Variants in ARID1B observed in about 807,000 individuals in gnomAD.
ARID1B encodes the protein AT-rich interaction domain 1B.
In ARID1B, 30 loss-of-function variants were observed where a neutral mutation model predicts 212.3. That is an observed-to-expected ratio of 0.14 (90% CI 0.11 to 0.19). ARID1B has a LOEUF of 0.19. Ranked by LOEUF, ARID1B falls within the 10% of genes least tolerant of loss-of-function variation. ARID1B has a pLI of 1.00. For missense variants in ARID1B, 2,891 were observed against 3,204.0 expected (o/e 0.90, Z 2.36); for synonymous variants, 1,402 against 1,301.7 (o/e 1.08, Z -1.66).
At chr6:157,084,991 A>C in intron 5 of ARID1B, 86 bp downstream of exon 5, 10 of 1,482,616 alleles carry the variant, frequency 6.7e-6, no homozygotes, top group Non-Finnish European at 9.0e-6. Context: ...TTACTTTACT[A>C]TTTAAAACCT....
chr6:156,889,315 A>G (rs1461130483), intron 2 of ARID1B, among the ~76,000 whole-genome samples: 3 of 152,242 alleles, frequency 2.0e-5, no homozygotes, highest in Non-Finnish European at 4.4e-5. Flanking sequence ...AACACACTGT[A>G]GACTTTATAG....
intron 2 of ARID1B, among the ~76,000 whole-genome samples, chr6:156,875,159 G>C (rs1271054396): frequency 6.6e-6 from 1 of 152,132 alleles, no homozygotes; most frequent in Non-Finnish European, 1.5e-5. Flanking sequence ...TTTATTCATT[G>C]TTCCCGCATT....
chr6:157,017,983 T>A (rs1215054082), intron 4 of ARID1B, among the ~76,000 whole-genome samples: 4 of 93,530 alleles, frequency 4.3e-5, no homozygotes, highest in Admixed American at 2.1e-4. Context: ...AAAAAAAAAA[T>A]TAGCTGGGCA....
chr6:156,804,439 C>T (rs1017984293), intron 1 of ARID1B, among the ~76,000 whole-genome samples: 10 of 151,884 alleles, frequency 6.6e-5, no homozygotes, highest in African/African-American at 2.4e-4. Flanking sequence ...TTTGTTCTTA[C>T]ACTGCTATCA....
chr6:156,927,203 TTTG>T (rs796929567), intron 3 of ARID1B, among the ~76,000 whole-genome samples: 8 of 152,310 alleles, frequency 5.3e-5, no homozygotes, highest in South Asian at 2.1e-4. Flanking sequence ...GTGTTAACAA[TTTG>T]TTGTTATCTT....
chr6:156,808,197 C>T lies in ARID1B; in HGVS notation c.1792-21030C>T, dbSNP rs1299867575. On this transcript the variant is annotated intron_variant, in intron 1 of 19. Coordinates refer to ENST00000636930, the MANE Select transcript of ARID1B (RefSeq NM_001374828.1). ...AGAGCGTTTCCTATTTGGAAGACAT[C>T]AGCTGGATTTTATTTTATTTTTCCC... Among the ~76,000 whole-genome samples the T allele has an allele frequency of 2.6e-5, 4 of 152,162 alleles. No homozygotes were observed. In the East Asian group the frequency reaches 7.7e-4, roughly 29 times the overall value.
intron 3 of ARID1B, among the ~76,000 whole-genome samples, chr6:156,912,863 C>T (rs1040850058): frequency 1.3e-5 from 2 of 152,154 alleles, no homozygotes; most frequent in Admixed American, 6.5e-5. Context: ...ATCATTTCTC[C>T]CACCCCAAAC....
chr6:157,171,134 T>C (rs571446773), intron 9 of ARID1B, among the ~76,000 whole-genome samples: 2 of 152,354 alleles, frequency 1.3e-5, no homozygotes, highest in Non-Finnish European at 2.9e-5. Flanking sequence ...GTTCTTTACG[T>C]TCCTTTTGAA....
intron 4 of ARID1B, among the ~76,000 whole-genome samples, chr6:156,974,031 A>T (rs1233408964): frequency 6.6e-6 from 1 of 152,208 alleles, no homozygotes; most frequent in Non-Finnish European, 1.5e-5. Flanking sequence ...AACATTATTC[A>T]TTCAGGTCTG....
intron 4 of ARID1B, among the ~76,000 whole-genome samples, chr6:157,079,894 A>G (rs190288956): frequency 1.3e-5 from 2 of 152,346 alleles, no homozygotes; most frequent in East Asian, 3.9e-4. Context: ...TTTCATTTTA[A>G]TATTCTAAAA....
intron 4 of ARID1B, among the ~76,000 whole-genome samples, chr6:157,027,078 A>G (rs1780709487): frequency 6.6e-6 from 1 of 152,250 alleles, no homozygotes; most frequent in South Asian, 2.1e-4. Flanking sequence ...AGTTTAGTTA[A>G]GTTTCTTTGG....
chr6:156,905,702 T>G (rs1430216814), intron 3 of ARID1B, among the ~76,000 whole-genome samples: 1 of 152,230 alleles, frequency 6.6e-6, no homozygotes, highest in Non-Finnish European at 1.5e-5. Flanking sequence ...TTGTACTGTT[T>G]CTCTATTATC....
At chr6:156,830,261 C>T (rs1242324229) in intron 2 of ARID1B, among the ~76,000 whole-genome samples, 2 of 152,160 alleles carry the variant, frequency 1.3e-5, no homozygotes, top group Non-Finnish European at 2.9e-5. Context: ...GTACCTAAGC[C>T]GCCAGGGAGT....
At position 156,856,400 on chromosome 6, in the gene ARID1B, C is replaced by T. The variant is rs568718021; in HGVS notation, c.1986+26979C>T. Among the ~76,000 whole-genome samples the T allele has an allele frequency of 3.9e-5, 6 of 152,266 alleles. 1 individual carries two copies. In the South Asian group the frequency reaches 8.3e-4, roughly 21 times the overall value. ...GTTTTTGGCATTTTATGTACATTAA[C>T]TCATCAACTTCTTAGGAATTCTAAG... On this transcript the variant is annotated intron_variant, in intron 2 of 19. Transcript: ENST00000636930.
At chr6:156,838,890 C>G (rs893674626) in intron 2 of ARID1B, among the ~76,000 whole-genome samples, 3 of 152,082 alleles carry the variant, frequency 2.0e-5, no homozygotes, top group Admixed American at 6.5e-5. Flanking sequence ...GGTCAGCCAA[C>G]AAGGAGGCTT....
At position 157,207,359 on chromosome 6, in the gene ARID1B, A is replaced by C. The variant is rs1430704414; in HGVS notation, c.6587A>C (p.Asn2196Thr). Residue 2196 changes from asparagine to threonine, a missense_variant, in exon 20 of 20, where the codon AAC (asparagine) becomes ACC (threonine). Asn to Thr is a moderately conservative substitution (Grantham distance 65, BLOSUM62 0). Coordinates refer to ENST00000636930, the MANE Select transcript of ARID1B (RefSeq NM_001374828.1). The surrounding 1 kb of genome is among the most constrained non-coding windows in gnomAD (Gnocchi z 8.5). ...GATCCCTTTCCAACTGTGGGACCCA[A>C]CTCGGTCCTGTCGCCTCAGAGACTT... ...AQDPFPTVGPNSVLSPQRLVL... is the reference protein window; with the variant it reads ...AQDPFPTVGPTSVLSPQRLVL... The C allele has an allele frequency of 1.9e-6, 3 of 1,614,062 alleles. No homozygotes were observed. The highest frequency in any genetic ancestry group is 1.3e-5 in the African/African-American group (1 of 74,990).
chr6:156,964,860 T>C (rs935276495), intron 4 of ARID1B, among the ~76,000 whole-genome samples: 9 of 152,160 alleles, frequency 5.9e-5, no homozygotes, highest in African/African-American at 2.2e-4. Context: ...TTGTAGGAAA[T>C]GAAAAATATA....
chr6:156,845,405 G>A (rs373651962), intron 2 of ARID1B, among the ~76,000 whole-genome samples: 4 of 152,044 alleles, frequency 2.6e-5, no homozygotes, highest in Non-Finnish European at 4.4e-5. Flanking sequence ...TGTAATCCTC[G>A]TTTTAGTAGG....
intron 4 of ARID1B, among the ~76,000 whole-genome samples, chr6:157,053,175 T>C (rs972883793): frequency 1.3e-5 from 2 of 151,980 alleles, no homozygotes; most frequent in Non-Finnish European, 2.9e-5. Context: ...AACCTCTGCC[T>C]CCAGGGCTCC....
Sources: allele counts gnomAD v4.1 joint callset (sites outside exome capture counted in the v4.1 genomes callset), GRCh38; gene constraint gnomAD v4.1.1; non-coding constraint Gnocchi (gnomAD v3.1); transcripts MANE v1.5; gene names NCBI Gene and HGNC (gene_info 2026-07-23, HGNC 2026-07-21).